The following KREMEN1 variants were observed in gnomAD, a reference collection of about 807,000 sequenced individuals.
KREMEN1 encodes kremen protein 1.
Under a neutral mutation model 46.5 loss-of-function variants are expected in KREMEN1, and 30 were observed. That is an observed-to-expected ratio of 0.65 (90% CI 0.48 to 0.88). The LOEUF (loss-of-function observed/expected upper bound fraction) is 0.88. Among genes scored for constraint, KREMEN1 ranks in the 40% least tolerant of loss-of-function variants. KREMEN1 has a pLI of 0.00. For missense variants in KREMEN1, 533 were observed against 596.9 expected (o/e 0.89, Z 1.11); for synonymous variants, 214 against 230.6 (o/e 0.93, Z 0.65).
At chr22:29,111,088 C>A (rs1016409401) in intron 3 of KREMEN1, among the ~76,000 whole-genome samples, 2 of 151,646 alleles carry the variant, frequency 1.3e-5, no homozygotes, top group African/African-American at 4.8e-5. Context: ...AGGAGGATCA[C>A]TGGAGGCCAC....
rs187230884 is a variant in KREMEN1 at position 29,080,105 on chromosome 22, A to G, written c.97+6878A>G. Among the ~76,000 whole-genome samples the G allele has an allele frequency of 3.4e-3, 514 of 152,328 alleles. 1 individual carries two copies. The highest frequency in any genetic ancestry group is 0.017 in the Middle Eastern group (5 of 294). ...CTATGTCTATGGGGAAATAAACAGG[A>G]TGGGGACTGTCCTTTTAAGGGGCTT... On this transcript the variant is annotated intron_variant, in intron 1 of 8. Coordinates refer to ENST00000400335, the MANE Select transcript of KREMEN1 (RefSeq NM_001039570.3).
chr22:29,083,928 C>T (rs2037694817), intron 1 of KREMEN1, among the ~76,000 whole-genome samples: 1 of 152,102 alleles, frequency 6.6e-6, no homozygotes, highest in South Asian at 2.1e-4. Flanking sequence ...ACTCCATAGG[C>T]AGAGCAGCCC....
chr22:29,099,891 G>C (rs2037948447), intron 3 of KREMEN1, among the ~76,000 whole-genome samples: 1 of 151,978 alleles, frequency 6.6e-6, no homozygotes, highest in Non-Finnish European at 1.5e-5. Flanking sequence ...AAGACAATAG[G>C]ATACCCTGAC....
intron 3 of KREMEN1, among the ~76,000 whole-genome samples, chr22:29,111,229 G>C (rs1048390506): frequency 6.6e-6 from 1 of 151,188 alleles, no homozygotes; most frequent in Admixed American, 6.6e-5. Context: ...GATCACTTGA[G>C]CTCAGGAGTT....
intron 4 of KREMEN1, among the ~76,000 whole-genome samples, chr22:29,121,909 G>A (rs1468457829): frequency 6.6e-6 from 1 of 151,984 alleles, no homozygotes; most frequent in Non-Finnish European, 1.5e-5. Flanking sequence ...CTAAAATATT[G>A]GGTTAGACAA....
At chr22:29,077,739 T>C (rs1255862356) in intron 1 of KREMEN1, among the ~76,000 whole-genome samples, 6 of 152,218 alleles carry the variant, frequency 3.9e-5, no homozygotes, top group Admixed American at 3.3e-4. Context: ...AAGGTCCATG[T>C]CTTCTGATTT....
intron 9 of KREMEN1, among the ~76,000 whole-genome samples, chr22:29,166,157 C>T (rs2039051301): frequency 6.6e-6 from 1 of 152,170 alleles, no homozygotes; most frequent in Non-Finnish European, 1.5e-5. Context: ...CATGCACACA[C>T]ATGCACACAC....
intron 9 of KREMEN1, among the ~76,000 whole-genome samples, chr22:29,157,494 C>T (rs954218617): frequency 3.9e-5 from 6 of 152,228 alleles, no homozygotes; most frequent in African/African-American, 1.2e-4. Flanking sequence ...TGTGCCACCA[C>T]GCCCAGCTAA....
chr22:29,083,347 A>G (rs567985219), intron 1 of KREMEN1, among the ~76,000 whole-genome samples: 2 of 152,172 alleles, frequency 1.3e-5, no homozygotes, highest in Admixed American at 6.6e-5. Flanking sequence ...TGAGTCAGTG[A>G]CTTTTGACTA....
At chr22:29,168,275 A>C (rs1045048730) in exon 10 of KREMEN1, 1 of 150,524 alleles carries the variant, frequency 6.6e-6, no homozygotes, top group African/African-American at 2.5e-5. Flanking sequence ...CGGAGGTTGC[A>C]GTGAGCTGAG....
chr22:29,137,611 G>A lies in KREMEN1; in HGVS notation c.901G>A (p.Val301Ile), dbSNP rs368784851. 1.2e-5 allele frequency: 20 copies of A among 1,612,282 alleles called. No individual in the cohort carries two copies. Among genetic ancestry groups the A allele is most frequent in the Non-Finnish European group, 1.6e-5 (19 of 1,178,606 alleles). ...PLSFNVSLDFVILYFFSDRIN... is the reference protein window; with the variant it reads ...PLSFNVSLDFIILYFFSDRIN... ...GTCCTTCAACGTCTCTCTGGACTTCGTCATCTTGTATTTCTTCTCTGATCG... is the reference window on the plus strand; with the variant it reads ...GTCCTTCAACGTCTCTCTGGACTTCATCATCTTGTATTTCTTCTCTGATCG... Residue 301 changes from valine (V) to isoleucine (I), a missense_variant, in exon 6 of 9, where the codon GTC (valine) becomes ATC (isoleucine). Val to Ile is a conservative substitution (Grantham distance 29). Coordinates refer to ENST00000400335, the MANE Select transcript of KREMEN1 (RefSeq NM_001039570.3).
intron 7 of KREMEN1, among the ~76,000 whole-genome samples, chr22:29,139,009 G>A (rs146043613): frequency 1.3e-5 from 2 of 152,180 alleles, no homozygotes; most frequent in Admixed American, 1.3e-4. Context: ...TTAGGCAAGC[G>A]TGCCTTTTGT....
At chr22:29,158,255 A>T (rs2038981061) in intron 9 of KREMEN1, among the ~76,000 whole-genome samples, 1 of 152,210 alleles carries the variant, frequency 6.6e-6, no homozygotes, top group Admixed American at 6.5e-5. Flanking sequence ...CCATGGCAGT[A>T]GAGGGACAAA....
At chr22:29,111,417 C>A (rs937316888) in intron 3 of KREMEN1, among the ~76,000 whole-genome samples, 1 of 151,648 alleles carries the variant, frequency 6.6e-6, no homozygotes, top group Non-Finnish European at 1.5e-5. Flanking sequence ...TCGAGACCAT[C>A]CTGGCTAACA....
intron 4 of KREMEN1, among the ~76,000 whole-genome samples, chr22:29,122,304 A>G (rs2038369406): frequency 6.6e-6 from 1 of 152,218 alleles, no homozygotes; most frequent in Admixed American, 6.5e-5. Context: ...TTAATACTGA[A>G]AATACTAAGA....
At chr22:29,092,762 G>C (rs1196179390) in intron 1 of KREMEN1, among the ~76,000 whole-genome samples, 7 of 152,184 alleles carry the variant, frequency 4.6e-5, no homozygotes, top group Non-Finnish European at 8.8e-5. Flanking sequence ...GATCACTTGA[G>C]GTTGGGAGTT....
At chr22:29,123,248 G>A (rs549555103) in intron 4 of KREMEN1, among the ~76,000 whole-genome samples, 1 of 150,650 alleles carries the variant, frequency 6.6e-6, no homozygotes, top group Non-Finnish European at 1.5e-5. Flanking sequence ...CTCTGTGAAA[G>A]ATATTTTTAA....
chr22:29,151,150 G>C (rs1052854676), downstream of KREMEN1, among the ~76,000 whole-genome samples: 1 of 152,122 alleles, frequency 6.6e-6, no homozygotes, highest in African/African-American at 2.4e-5. Context: ...GTTGGATGGA[G>C]CCTCTCCCTG....
intron 3 of KREMEN1, among the ~76,000 whole-genome samples, chr22:29,104,633 G>A (rs1020721067): frequency 4.6e-5 from 7 of 152,178 alleles, no homozygotes; most frequent in African/African-American, 1.7e-4. Context: ...TTGGCTGGGC[G>A]CAGTGGCTCA....
Sources: gnomAD v4.1 joint callset for allele counts (sites outside exome capture counted in the v4.1 genomes callset) on GRCh38, gnomAD v4.1.1 for gene constraint, MANE v1.5 for transcripts, NCBI Gene and HGNC (gene_info 2026-07-23, HGNC 2026-07-21) for gene names.